The following APOB variants were observed in gnomAD, a reference collection of about 807,000 sequenced individuals.
APOB encodes the protein apolipoprotein B-100.
Under a neutral mutation model 314.1 loss-of-function variants are expected in APOB, and 153 were observed. The ratio of observed to expected loss-of-function variants is 0.49; its 90% CI spans 0.43 to 0.56. The LOEUF is 0.56. APOB is among the 20% of genes least tolerant of loss of function. APOB has a pLI of 0.00. For missense variants in APOB, 5,430 were observed against 5,350.7 expected, an observed-to-expected ratio of 1.01 and a Z score of -0.46; for synonymous variants, 2,087 against 2,036.4, an observed-to-expected ratio of 1.02 and a Z score of -0.67.
chr2:21,013,357 A>G lies in APOB; in HGVS notation c.4019T>C (p.Phe1340Ser), dbSNP rs755257567. 3 of 1,614,216 alleles carry G rather than the reference A, an allele frequency of 1.9e-6. No individual in the cohort carries two copies. The highest frequency in any genetic ancestry group is 2.5e-6 in the Non-Finnish European group (3 of 1,180,054). The change falls in exon 25 of 29, where the codon TTT becomes TCT. Residue 1340 changes from phenylalanine to serine, a missense_variant. Around this residue, in one of 3 missense-constraint regions of APOB, gnomAD observed 2,085 missense variants for 2,079.7 expected, o/e 1.00. Transcript: ENST00000233242. Reference sequence around the variant, plus strand: ...CAGTTGATACAACTTGGGAATGGTAAAAGTAGGGACTTGGAACTCTCGAGA... The same window carrying G: ...CAGTTGATACAACTTGGGAATGGTAGAAGTAGGGACTTGGAACTCTCGAGA... Reference protein sequence around the residue: ...LPSREFQVPTFTIPKLYQLQV... With the variant: ...LPSREFQVPTSTIPKLYQLQV...
In APOB at chr2:21,010,421, A is replaced by G. The variant is rs756491255; in HGVS notation, c.6447T>C (p.Tyr2149=). 1.5e-5 allele frequency: 24 copies of G among 1,601,800 alleles called. No individual in the cohort carries two copies. In the East Asian group the frequency reaches 1.6e-4, roughly 10 times the overall value. Residue 2149 remains tyrosine (Y), a synonymous_variant, in exon 26 of 29, where the codon TAT becomes TAC. Transcript: ENST00000233242. ...KEKLTALTKK[Y]RITENDIQIA... ...TTTGTATATCATTTTCTGTAATTCTATACTTTTTTGTGAGAGCAGTCAGTT... is the reference window on the plus strand; with the variant it reads ...TTTGTATATCATTTTCTGTAATTCTGTACTTTTTTGTGAGAGCAGTCAGTT...
Position 21,007,105 on chromosome 2 carries a change from C to T in APOB, c.9763G>A (p.Val3255Ile), listed in dbSNP as rs1663165723. ...TFQIPGYTVP[V>I]VNVEVSPFTI... ...AATGGAGACACTTCAACATTGACAA[C>T]TGGAACAGTGTATCCAGGAATTTGA... is the stretch of plus-strand genomic sequence containing the variant. Residue 3255 changes from valine to isoleucine, a missense_variant, in exon 26 of 29, where the codon GTT becomes ATT. Physicochemically the swap from Val to Ile is conservative, Grantham distance 29. Around this residue, in one of 3 missense-constraint regions of APOB, gnomAD observed 3,281 missense variants for 3,171.0 expected, o/e 1.03. Transcript: ENST00000233242. 4 of 1,614,048 alleles carry T rather than the reference C, an allele frequency of 2.5e-6. No individual in the cohort carries two copies. Among genetic ancestry groups the T allele is most frequent in the Non-Finnish European group, 3.4e-6 (4 of 1,179,956 alleles).
At chr2:21,033,237 G>GT (rs1176815219) in intron 9 of APOB, 62 bp downstream of exon 9, 1 of 1,372,118 alleles carries the variant, frequency 7.3e-7, no homozygotes, top group Non-Finnish European at 1.0e-6. Context: ...TTTGGCCAAG[G>GT]TTTGAAAGTT....
At position 21,027,997 on chromosome 2, in the gene APOB, A is replaced by G; in HGVS notation, c.1898T>C (p.Phe633Ser). The G allele has an allele frequency of 6.2e-7, 1 of 1,614,138 alleles. No individual in the cohort carries two copies. Among genetic ancestry groups the G allele is most frequent in the Non-Finnish European group, 8.5e-7 (1 of 1,179,986 alleles). The change falls in exon 14 of 29, where the codon TTC becomes TCC. Residue 633 changes from phenylalanine (F) to serine (S), a missense_variant. Phe to Ser is a radical substitution (Grantham distance 155). Transcript: ENST00000233242. ...TTTGTAGAGTTGATAGTTCCGAGAG[A>G]ATTTTCTGAAGTCCATGACAGTTGG... Reference protein sequence around the residue: ...QLPTVMDFRKFSRNYQLYKSV... With the variant: ...QLPTVMDFRKSSRNYQLYKSV...
At chr2:21,033,223 T>G in intron 9 of APOB, 76 bp downstream of exon 9, 1 of 1,128,130 alleles carries the variant, frequency 8.9e-7, no homozygotes. Context: ...CCTGAGATTC[T>G]CCATTTGGCC....
chr2:21,022,799 ACTGG>A, intron 18 of APOB, 28 bp downstream of exon 18: 2 of 1,606,886 alleles, frequency 1.2e-6, no homozygotes, highest in Non-Finnish European at 8.5e-7. Context: ...TCTCTTTCAA[ACTGG>A]CTAGGCAGAC....
chr2:21,012,884 C>T (rs1319404109), intron 25 of APOB, among the ~76,000 whole-genome samples: 1 of 152,202 alleles, frequency 6.6e-6, no homozygotes, highest in Non-Finnish European at 1.5e-5. Flanking sequence ...TTCCACTCTA[C>T]CTTATACTTA....
chr2:21,019,968 T>G (rs1212525443), intron 18 of APOB, 63 bp from the exon 19 acceptor site: 9 of 1,533,438 alleles, frequency 5.9e-6, no homozygotes, highest in Non-Finnish European at 8.1e-6. Context: ...ACATCACAAA[T>G]TCTCAGGGTG....
At chr2:21,016,356 G>C (rs1055381227) in intron 21 of APOB, 83 bp downstream of exon 21, 4 of 775,174 alleles carry the variant, frequency 5.2e-6, no homozygotes, top group Non-Finnish European at 9.2e-6. Context: ...ACATGGCTTG[G>C]TCAGGTATGA....
At chr2:21,038,504 T>G (rs12720815) in intron 4 of APOB, among the ~76,000 whole-genome samples, 123 of 152,228 alleles carry the variant, frequency 8.1e-4, no homozygotes, top group African/African-American at 2.9e-3. Flanking sequence ...ACCCAGCTAA[T>G]TTTTGTATTT....
chr2:21,042,252 CG>C, intron 3 of APOB, 108 bp downstream of exon 3: 1 of 817,876 alleles, frequency 1.2e-6, no homozygotes. Flanking sequence ...GGATGTTCTG[CG>C]TTTGCTCAGT....
chr2:21,014,043 C>G (rs1663405795), intron 24 of APOB, among the ~76,000 whole-genome samples: 1 of 152,138 alleles, frequency 6.6e-6, no homozygotes, highest in African/African-American at 2.4e-5. Flanking sequence ...GTCAGTAAGC[C>G]TGGGTTAAAG....
In APOB at chr2:21,012,072, C is replaced by T. The variant is rs746414462; in HGVS notation, c.4796G>A (p.Arg1599His). The change falls in exon 26 of 29, where the codon CGT (arginine) becomes CAT (histidine). Residue 1599 changes from arginine to histidine, a missense_variant. By Grantham distance (29) the Arg-to-His change is conservative (BLOSUM62 0). This residue lies in a region of APOB where 2,085 missense variants were observed against 2,079.7 expected (regional missense o/e 1.00). Coordinates refer to ENST00000233242, the MANE Select transcript of APOB (RefSeq NM_000384.3). ...CTCGTAATCAGCCTGATATTCAGAA[C>T]GCAGCAGTGCATTTTGCTTAGAGAA... ...MTFSKQNALL[R>H]SEYQADYESL... 3.8e-5 allele frequency: 61 copies of T among 1,614,030 alleles called. No homozygotes were observed. The East Asian group carries it at 4.7e-4, about 12-fold the overall frequency.
Position 21,007,474 on chromosome 2 carries a change from T to C in APOB, c.9394A>G (p.Ile3132Val). The C allele has an allele frequency of 1.2e-6, 2 of 1,614,142 alleles. No individual in the cohort carries two copies. Among genetic ancestry groups the C allele is most frequent in the Non-Finnish European group, 1.7e-6 (2 of 1,179,982 alleles). ...GTGTAAGGTAGACGCATTTCAGGAATTGTTAAAGGAATGTTTAAGAAATCC... is the reference window on the plus strand; with the variant it reads ...GTGTAAGGTAGACGCATTTCAGGAACTGTTAAAGGAATGTTTAAGAAATCC... The part of the protein sequence containing the change: ...NLDFLNIPLT[I>V]PEMRLPYTII... The change falls in exon 26 of 29, where the codon ATT (isoleucine) becomes GTT (valine). Residue 3132 changes from isoleucine to valine, a missense_variant. Ile to Val is a conservative substitution (Grantham distance 29). This residue lies in a region of APOB where 3,281 missense variants were observed against 3,171.0 expected (regional missense o/e 1.03). Transcript: ENST00000233242.
Position 21,002,233 on chromosome 2 carries a change from T to C in APOB, c.13189A>G (p.Thr4397Ala). ...EYFDPSIVGW[T>A]VKYYELEEKI... is the part of the protein sequence containing the mutation. ...TCTTCAAGTTCATAATATTTCACTG[T>C]CCAGCCAACTATACTTGGATCAAAA... The change falls in exon 29 of 29, where the codon ACA (threonine) becomes GCA (alanine). Residue 4397 changes from threonine to alanine, a missense_variant. Thr to Ala is a moderately conservative substitution (Grantham distance 58, BLOSUM62 0). Around this residue, in one of 3 missense-constraint regions of APOB, gnomAD observed 3,281 missense variants for 3,171.0 expected, o/e 1.03. Transcript: ENST00000233242. 3.7e-6 allele frequency: 6 copies of C among 1,614,004 alleles called. No homozygotes were observed. In the South Asian group the frequency reaches 6.6e-5, roughly 18 times the overall value.
rs768963343 is a variant in APOB, at chr2:21,007,962, C to G, written c.8906G>C (p.Arg2969Thr). 2.5e-6 allele frequency: 4 copies of G among 1,613,910 alleles called. No homozygotes were observed. The highest frequency in any genetic ancestry group is 3.4e-6 in the Non-Finnish European group (4 of 1,179,944). The change falls in exon 26 of 29, where the codon AGA becomes ACA. Residue 2969 changes from arginine to threonine, a missense_variant. Physicochemically the swap from Arg to Thr is moderately conservative, Grantham distance 71 (BLOSUM62 -1). Coordinates refer to ENST00000233242, the MANE Select transcript of APOB (RefSeq NM_000384.3). ...TTCATAAACCAAGTTTTGGTTTACT[C>G]TTAGGTGTTTGCTATTGATCTTATT... ...LSNKINSKHLRVNQNLVYESG... is the reference protein window; with the variant it reads ...LSNKINSKHLTVNQNLVYESG...
intron 13 of APOB, 100 bp downstream of exon 13, chr2:21,028,227 G>A (rs1663787331): frequency 1.6e-6 from 2 of 1,220,650 alleles, no homozygotes; most frequent in South Asian, 2.4e-5. Context: ...ACAAGTGTTT[G>A]TTTCAGAAGC....
At chr2:21,017,573 G>A (rs1322306774) in intron 20 of APOB, among the ~76,000 whole-genome samples, 1 of 152,132 alleles carries the variant, frequency 6.6e-6, no homozygotes, top group African/African-American at 2.4e-5. Flanking sequence ...GAAATGGGGA[G>A]CACTTAGCTT....
chr2:21,016,673 AAGAG>A (rs1355713798), intron 20 of APOB, 24 bp from the exon 21 acceptor site: 1 of 1,476,966 alleles, frequency 6.8e-7, no homozygotes, highest in Non-Finnish European at 9.5e-7. Flanking sequence ...TAAGAGAATC[AAGAG>A]ATGTGTGGTA....
Sources: allele counts gnomAD v4.1 joint callset (sites outside exome capture counted in the v4.1 genomes callset), GRCh38; gene constraint gnomAD v4.1.1; regional missense constraint gnomAD v4.1.1; transcripts MANE v1.5; gene names NCBI Gene and HGNC (gene_info 2026-07-23, HGNC 2026-07-21).